The following ZNF267 variants were observed in gnomAD, a reference collection of about 807,000 sequenced individuals.
ZNF267 encodes the protein zinc finger protein 267.
ZNF267 carries 61 observed loss-of-function variants against 71.6 expected under a neutral mutation model. The ratio of observed to expected loss-of-function variants is 0.85; its 90% CI spans 0.69 to 1.05. The LOEUF is 1.05. Among genes scored for constraint, ZNF267 ranks in the 50% least tolerant of loss-of-function variants. The pLI is 0.00. For synonymous variants in ZNF267, 288 were observed against 293.2 expected (o/e 0.98, Z 0.18); for missense variants, 852 against 870.0 (o/e 0.98, Z 0.26).
chr16:31,896,201 C>A (rs949654734), intron 3 of ZNF267, among the ~76,000 whole-genome samples: 1 of 151,956 alleles, frequency 6.6e-6, no homozygotes. Flanking sequence ...TTTTTAGGGA[C>A]AGGATCTCAC....
At chr16:31,880,835 T>C (rs1228591105) in intron 1 of ZNF267, among the ~76,000 whole-genome samples, 1 of 152,214 alleles carries the variant, frequency 6.6e-6, no homozygotes, top group African/African-American at 2.4e-5. Context: ...AACCAATTGC[T>C]TCCATTTCAT....
intron 3 of ZNF267, among the ~76,000 whole-genome samples, chr16:31,910,673 T>C (rs1218270584): frequency 1.3e-5 from 2 of 151,564 alleles, no homozygotes; most frequent in African/African-American, 4.9e-5. Flanking sequence ...TTTATTTATC[T>C]GCTTAAAAAA....
At chr16:31,893,335 T>C (rs912085432) in intron 3 of ZNF267, among the ~76,000 whole-genome samples, 1 of 152,246 alleles carries the variant, frequency 6.6e-6, no homozygotes, top group African/African-American at 2.4e-5. Flanking sequence ...CTTTTCCTCC[T>C]ATGCCTCTGG....
intron 3 of ZNF267, among the ~76,000 whole-genome samples, chr16:31,909,167 C>A (rs2084116475): frequency 6.9e-6 from 1 of 144,544 alleles, no homozygotes. Context: ...CCTCTTGTCG[C>A]CCAGGCTGGA....
intron 1 of ZNF267, among the ~76,000 whole-genome samples, chr16:31,876,874 T>C (rs545115410): frequency 6.6e-6 from 1 of 151,988 alleles, no homozygotes; most frequent in South Asian, 2.1e-4. Context: ...TCCAGGGGAG[T>C]TTCCCCTGCA....
At chr16:31,876,663 A>C (rs963102673) in intron 1 of ZNF267, among the ~76,000 whole-genome samples, 4 of 152,226 alleles carry the variant, frequency 2.6e-5, no homozygotes, top group Non-Finnish European at 5.9e-5. Flanking sequence ...TTTTCTGTTG[A>C]GGTATAAATT....
chr16:31,891,756 C>A (rs2083961918), intron 3 of ZNF267, among the ~76,000 whole-genome samples: 2 of 152,280 alleles, frequency 1.3e-5, no homozygotes, highest in Middle Eastern at 3.4e-3. Context: ...GTCCACTAAA[C>A]CTCTTTCTTT....
At position 31,916,740 on chromosome 16, in the gene ZNF267, G is replaced by T. The variant is rs2142366488; in HGVS notation, c.*259G>T. 1 of 373,412 alleles carries T rather than the reference G, an allele frequency of 2.7e-6. No individual in the cohort carries two copies. The highest frequency in any genetic ancestry group is 4.6e-5 in the East Asian group (1 of 21,612). The allele number at this position is 373,412 out of a possible 1,614,324, so 23.1% of individuals were successfully genotyped here. ...AGAAACACTATAGATGTAAAAATGT[G>T]AAAAGTTTTATTCAAAATATCAAAC... On this transcript the variant is annotated 3_prime_UTR_variant, in exon 4 of 4. Transcript: ENST00000300870.
rs34409182 is a variant in ZNF267 at position 31,909,120 on chromosome 16, C to CTTTTTTTTTTTTTTT, written c.227-5344_227-5330dup. On this transcript the variant is annotated intron_variant, in intron 3 of 3. Transcript: ENST00000300870. Reference sequence around the variant, plus strand: ...TTCTATCTTCTATTTCTTTTCTTTTCTTTTTTTTTTTTTTTTTTTTTTTTT... The same window carrying CTTTTTTTTTTTTTTT: ...TTCTATCTTCTATTTCTTTTCTTTTCTTTTTTTTTTTTTTTTTTTTTTTTTTTTTTTTTTTTTTTT... Among the ~76,000 whole-genome samples the CTTTTTTTTTTTTTTT allele has an allele frequency of 8.6e-3, 391 of 45,330 alleles. 2 individuals carry two copies. Among genetic ancestry groups the CTTTTTTTTTTTTTTT allele is most frequent in the Middle Eastern group, 0.056 (2 of 36 alleles). The allele number at this position is 45,330 out of a possible 152,430, so 29.7% of individuals were successfully genotyped here. A position where few individuals can be genotyped will look rare whatever the true frequency, so the allele number is the denominator to read the frequency against.
intron 3 of ZNF267, among the ~76,000 whole-genome samples, chr16:31,911,359 A>G (rs1385117073): frequency 1.3e-5 from 2 of 151,626 alleles, no homozygotes; most frequent in East Asian, 1.9e-4. Context: ...TGTAGGGTGC[A>G]TGGATATTTA....
At chr16:31,897,152 C>CA (rs200961055) in intron 3 of ZNF267, among the ~76,000 whole-genome samples, 4,917 of 113,108 alleles carry the variant, frequency 0.043, 102 homozygotes, top group East Asian at 0.082. Context: ...CAAAACAAAA[C>CA]AAAACAAAAA....
chr16:31,910,129 T>A (rs570930592), intron 3 of ZNF267, among the ~76,000 whole-genome samples: 1 of 152,320 alleles, frequency 6.6e-6, no homozygotes, highest in African/African-American at 2.4e-5. Flanking sequence ...TAATGAACAA[T>A]CTTTTAATGT....
intron 3 of ZNF267, among the ~76,000 whole-genome samples, chr16:31,889,211 T>G (rs937942451): frequency 1.3e-5 from 2 of 149,766 alleles, no homozygotes; most frequent in Non-Finnish European, 3.0e-5. Context: ...GTTCATTTTG[T>G]TTTTTTTTAA....
chr16:31,886,640 G>C (rs986472336), intron 3 of ZNF267, among the ~76,000 whole-genome samples: 4 of 152,138 alleles, frequency 2.6e-5, no homozygotes, highest in African/African-American at 9.7e-5. Context: ...TGCTACTGTA[G>C]AGTATCATTA....
chr16:31,904,305 G>T (rs528012656), intron 3 of ZNF267, among the ~76,000 whole-genome samples: 12 of 152,130 alleles, frequency 7.9e-5, no homozygotes, highest in Non-Finnish European at 1.6e-4. Flanking sequence ...TATTAGGTCC[G>T]CTTGGTGCAG....
At chr16:31,888,826 A>AAT (rs2083940893) in intron 3 of ZNF267, among the ~76,000 whole-genome samples, 2 of 151,980 alleles carry the variant, frequency 1.3e-5, no homozygotes, top group African/African-American at 4.8e-5. Context: ...GGTCTCATAA[A>AAT]ATGAGTTTGA....
chr16:31,889,886 G>A (rs2083948429), intron 3 of ZNF267, among the ~76,000 whole-genome samples: 1 of 152,132 alleles, frequency 6.6e-6, no homozygotes, highest in African/African-American at 2.4e-5. Context: ...CATGAGTTTT[G>A]TGGTGGGAGA....
At chr16:31,895,234 T>C (rs1452553084) in intron 3 of ZNF267, among the ~76,000 whole-genome samples, 3 of 152,272 alleles carry the variant, frequency 2.0e-5, no homozygotes, top group Admixed American at 6.5e-5. Context: ...TTTCTACATA[T>C]GGCTTATTTC....
chr16:31,911,466 G>A (rs76772751), intron 3 of ZNF267, among the ~76,000 whole-genome samples: 2,188 of 151,622 alleles, frequency 0.014, 137 homozygotes, highest in African/African-American at 0.05. Flanking sequence ...TTTATCTGAT[G>A]TAAGTATAGC....
Sources: allele counts gnomAD v4.1 joint callset (sites outside exome capture counted in the v4.1 genomes callset), GRCh38; gene constraint gnomAD v4.1.1; transcripts MANE v1.5; gene names NCBI Gene and HGNC (gene_info 2026-07-23, HGNC 2026-07-21).